Variants in FAT4 observed in about 807,000 individuals in gnomAD.
FAT4 encodes the protein protocadherin Fat 4.
In FAT4, 84 loss-of-function variants were observed where a neutral mutation model predicts 303.9. The observed-to-expected ratio is 0.28, with a 90% confidence interval of 0.23 to 0.33. FAT4 has a LOEUF of 0.33. Among genes scored for constraint, FAT4 ranks in the 10% least tolerant of loss-of-function variants. The pLI is 1.00. For missense variants in FAT4, 6,005 were observed against 6,146.8 expected (o/e 0.98, Z 0.77); for synonymous variants, 2,307 against 2,298.8 (o/e 1.00, Z -0.10).
chr4:125,444,836 AAG>A (rs1304958328), intron 8 of FAT4, among the ~76,000 whole-genome samples: 1 of 152,142 alleles, frequency 6.6e-6, no homozygotes, highest in Non-Finnish European at 1.5e-5. Context: ...TGACAGCAAC[AAG>A]GTTCCAAAAA....
rs200234420 is a variant in FAT4 at position 125,415,547 on chromosome 4, A to G, written c.6584A>G (p.Asn2195Ser). The change falls in exon 6 of 18, where the codon AAT becomes AGT. Residue 2195 changes from asparagine (N) to serine (S), a missense_variant. Transcript: ENST00000394329. Reference sequence around the variant, plus strand: ...GGACAGGTTCGCTATGGCATTGTTAATGGTAATACCAATCAGGAATTTCGG... The same window carrying G: ...GGACAGGTTCGCTATGGCATTGTTAGTGGTAATACCAATCAGGAATTTCGG... Reference protein sequence around the residue: ...TNGQVRYGIVNGNTNQEFRID... With the variant: ...TNGQVRYGIVSGNTNQEFRID... 7.4e-6 allele frequency: 12 copies of G among 1,613,982 alleles called. No homozygotes were observed. In the Admixed American group the frequency reaches 1.0e-4, roughly 13 times the overall value.
intron 2 of FAT4, among the ~76,000 whole-genome samples, chr4:125,333,047 A>G (rs1213877560): frequency 6.6e-6 from 1 of 152,130 alleles, no homozygotes; most frequent in Non-Finnish European, 1.5e-5. Flanking sequence ...TTACAAAAGT[A>G]TATATACAAC....
Position 125,317,138 on chromosome 4 carries a change from A to C in FAT4, c.727A>C (p.Ile243Leu). ...YLQVNVTVQD[I>L]NDNPPVFGSS... is the part of the protein sequence containing the mutation. ...TCAGGTAAACGTGACTGTGCAAGAC[A>C]TTAATGACAACCCCCCGGTTTTTGG... Residue 243 changes from isoleucine to leucine, a missense_variant, in exon 2 of 18, where the codon ATT becomes CTT. Coordinates refer to ENST00000394329, the MANE Select transcript of FAT4 (RefSeq NM_001291303.3). This position sits in a 1 kb window ranked among gnomAD's most constrained non-coding sequence, Gnocchi z 7.0. 1.9e-6 allele frequency: 3 copies of C among 1,612,448 alleles called. No homozygotes were observed. The highest frequency in any genetic ancestry group is 2.5e-6 in the Non-Finnish European group (3 of 1,179,060).
intron 16 of FAT4, among the ~76,000 whole-genome samples, chr4:125,482,702 A>G (rs1394706777): frequency 2.0e-5 from 3 of 152,318 alleles, no homozygotes; most frequent in Non-Finnish European, 1.5e-5. Flanking sequence ...AGAGAAAAAG[A>G]GCAATTTGTT....
intron 7 of FAT4, among the ~76,000 whole-genome samples, chr4:125,424,794 T>C (rs1268767253): frequency 6.6e-6 from 1 of 152,174 alleles, no homozygotes; most frequent in African/African-American, 2.4e-5. Context: ...GCGGTTAAAT[T>C]AACTGGCGAG....
intron 12 of FAT4, among the ~76,000 whole-genome samples, chr4:125,474,310 A>G (rs1726956984): frequency 6.6e-6 from 1 of 152,072 alleles, no homozygotes; most frequent in African/African-American, 2.4e-5. Flanking sequence ...GGATACTTGC[A>G]TAATATATGT....
At chr4:125,414,129 C>G (rs945007585) in intron 5 of FAT4, among the ~76,000 whole-genome samples, 4 of 151,948 alleles carry the variant, frequency 2.6e-5, no homozygotes, top group Admixed American at 6.6e-5. Flanking sequence ...GTTACTAAAA[C>G]AGTAAGATGA....
At position 125,451,781 on chromosome 4, in the gene FAT4, T is replaced by C; in HGVS notation, c.10771T>C (p.Ser3591Pro). 6.2e-7 allele frequency: 1 copy of C among 1,614,150 alleles called. No individual in the cohort carries two copies. The highest frequency in any genetic ancestry group is 1.3e-5 in the African/African-American group (1 of 75,032). Reference sequence around the variant, plus strand: ...CTATCTGTCTGTGGTTACCAAGGATTCTGGTGTTCCTCAAATGTCTTCCAC... The same window carrying C: ...CTATCTGTCTGTGGTTACCAAGGATCCTGGTGTTCCTCAAATGTCTTCCAC... The part of the protein sequence containing the change: ...DFYLSVVTKD[S>P]GVPQMSSTGT... The change falls in exon 10 of 18, where the codon TCT (serine) becomes CCT (proline). Residue 3591 changes from serine to proline, a missense_variant. Coordinates refer to ENST00000394329, the MANE Select transcript of FAT4 (RefSeq NM_001291303.3).
rs1360614920 is a variant in FAT4 at position 125,316,001 on chromosome 4, C to T, written c.-13+24C>T. 1.3e-5 allele frequency among the ~76,000 whole-genome samples: 2 copies of T among 152,194 alleles called. No homozygotes were observed. The highest frequency in any genetic ancestry group is 2.1e-4 in the South Asian group (1 of 4,832). On this transcript the variant is annotated intron_variant, in intron 1 of 17. Transcript: ENST00000394329. This position sits in a 1 kb window ranked among gnomAD's most constrained non-coding sequence, Gnocchi z 5.7. Reference sequence around the variant, plus strand: ...GGGTAAGTTCTAAAGTTTCTGAAGACCGTTCTTTGCAATGATTCCTCATAT... The same window carrying T: ...GGGTAAGTTCTAAAGTTTCTGAAGATCGTTCTTTGCAATGATTCCTCATAT...
chr4:125,468,671 G>T lies in FAT4; in HGVS notation c.12065G>T (p.Gly4022Val), dbSNP rs1251117960. Residue 4022 changes from glycine to valine, a missense_variant, in exon 12 of 18, where the codon GGC becomes GTC. Transcript: ENST00000394329. ...CTTTACAACTATGACAACCAGACAGGCGACCGGGCTGAGTTTTTGGCCCTT... is the reference window on the plus strand; with the variant it reads ...CTTTACAACTATGACAACCAGACAGTCGACCGGGCTGAGTTTTTGGCCCTT... Reference protein sequence around the residue: ...LLLYNYDNQTGDRAEFLALEI... With the variant: ...LLLYNYDNQTVDRAEFLALEI... 6.2e-7 allele frequency: 1 copy of T among 1,614,102 alleles called. No homozygotes were observed.
In FAT4 at chr4:125,320,271, C is replaced by T. The variant is rs1240679471; in HGVS notation, c.3860C>T (p.Ala1287Val). ...CCTGCCTATTCCCTTGTAATTCAAGCAGTGGATTCAGGGACAATCCCCCTC... is the reference window on the plus strand; with the variant it reads ...CCTGCCTATTCCCTTGTAATTCAAGTAGTGGATTCAGGGACAATCCCCCTC... ...ATPAYSLVIQ[A>V]VDSGTIPLNS... Residue 1287 changes from alanine (A) to valine (V), a missense_variant, in exon 2 of 18, where the codon GCA becomes GTA. Transcript: ENST00000394329. 4 of 1,614,156 alleles carry T rather than the reference C, an allele frequency of 2.5e-6. No homozygotes were observed. The Admixed American group carries it at 6.7e-5, about 27-fold the overall frequency.
Position 125,491,512 on chromosome 4 carries a change from G to A in FAT4, c.14696G>A (p.Arg4899Lys). 1.9e-6 allele frequency: 3 copies of A among 1,614,190 alleles called. No individual in the cohort carries two copies. The South Asian group carries it at 3.3e-5, about 18-fold the overall frequency. Residue 4899 changes from arginine (R) to lysine (K), a missense_variant, in exon 18 of 18, where the codon AGG becomes AAG. Physicochemically the swap from Arg to Lys is conservative, Grantham distance 26. Transcript: ENST00000394329. ...AAGCCTCGAAGGTACCACGGTCGCA[G>A]GGCCGAGGGAGGACCTGTGGGCACC... Reference protein sequence around the residue: ...RLKPRRYHGRRAEGGPVGTQA... With the variant: ...RLKPRRYHGRKAEGGPVGTQA...
intron 2 of FAT4, among the ~76,000 whole-genome samples, chr4:125,344,018 G>C (rs1731899810): frequency 6.6e-6 from 1 of 152,090 alleles, no homozygotes. Flanking sequence ...AGTGTATTAG[G>C]AGAGAGAGCC....
At chr4:125,412,152 A>G (rs887394458) in intron 5 of FAT4, among the ~76,000 whole-genome samples, 2 of 151,772 alleles carry the variant, frequency 1.3e-5, no homozygotes, top group African/African-American at 4.8e-5. Context: ...TGAGCTTAGT[A>G]TTTTTCAGTA....
chr4:125,397,320 A>G (rs1734224707), intron 2 of FAT4, among the ~76,000 whole-genome samples: 1 of 152,176 alleles, frequency 6.6e-6, no homozygotes, highest in Non-Finnish European at 1.5e-5. Context: ...GAGTTCATCT[A>G]GCTAATAAGT....
chr4:125,328,903 A>G (rs981828064), intron 2 of FAT4, among the ~76,000 whole-genome samples: 5 of 152,196 alleles, frequency 3.3e-5, no homozygotes, highest in East Asian at 1.9e-4. Context: ...TTATTTCTAT[A>G]CATTTGTAGA....
rs1431141200 is a variant in FAT4 at position 125,316,688 on chromosome 4, A to G, written c.277A>G (p.Thr93Ala). 6.2e-7 allele frequency: 1 copy of G among 1,612,942 alleles called. No individual in the cohort carries two copies. The highest frequency in any genetic ancestry group is 8.5e-7 in the Non-Finnish European group (1 of 1,179,948). ...CAGTAGCACCGGAGCCCTGTACACC[A>G]CCTCCACCATCGACCGCGAGAGCCT... ...INSSTGALYT[T>A]STIDRESLPS... is the part of the protein sequence containing the mutation. Residue 93 changes from threonine (T) to alanine (A), a missense_variant, in exon 2 of 18, where the codon ACC (threonine) becomes GCC (alanine). Physicochemically the swap from Thr to Ala is moderately conservative, Grantham distance 58. Transcript: ENST00000394329. This position sits in a 1 kb window ranked among gnomAD's most constrained non-coding sequence, Gnocchi z 5.7.
At position 125,477,523 on chromosome 4, in the gene FAT4, A is replaced by G. The variant is rs140017956; in HGVS notation, c.12479+189A>G. On this transcript the variant is annotated intron_variant, in intron 14 of 17. Coordinates refer to ENST00000394329, the MANE Select transcript of FAT4 (RefSeq NM_001291303.3). ...AGTATGATATTTAATTAGAAAATTA[A>G]TATGTTTCTAGATTCTTATACATAT... The G allele has an allele frequency of 1.9e-3, 806 of 418,764 alleles. 11 individuals carry two copies. In the Admixed American group the frequency reaches 0.03, roughly 16 times the overall value. The allele number at this position is 418,764 out of a possible 1,614,324, so 25.9% of individuals were successfully genotyped here. A position where few individuals can be genotyped will look rare whatever the true frequency, so the allele number is the denominator to read the frequency against.
intron 2 of FAT4, among the ~76,000 whole-genome samples, chr4:125,340,065 A>G (rs982356040): frequency 3.9e-5 from 6 of 152,136 alleles, no homozygotes; most frequent in African/African-American, 1.4e-4. Flanking sequence ...AATATTCTTT[A>G]AAATCACTGA....
Sources: allele counts gnomAD v4.1 joint callset (sites outside exome capture counted in the v4.1 genomes callset), GRCh38; gene constraint gnomAD v4.1.1; non-coding constraint Gnocchi (gnomAD v3.1); transcripts MANE v1.5; gene names NCBI Gene and HGNC (gene_info 2026-07-23, HGNC 2026-07-21).